The following PLCH2 variants were observed in gnomAD, a reference collection of about 807,000 sequenced individuals.
PLCH2 encodes phospholipase C eta 2.
PLCH2 carries 98 observed loss-of-function variants against 134.7 expected under a neutral mutation model. The ratio of observed to expected loss-of-function variants is 0.73; its 90% CI spans 0.62 to 0.86. The LOEUF is 0.86. Among genes scored for constraint, PLCH2 ranks in the 40% least tolerant of loss-of-function variants. PLCH2 has a pLI of 0.00. For missense variants in PLCH2, 1,994 were observed against 1,986.6 expected (o/e 1.00, Z -0.07); for synonymous variants, 974 against 827.5 (o/e 1.18, Z -3.04).
At chr1:2,426,194 C>T (rs529392682) in intron 1 of PLCH2, among the ~76,000 whole-genome samples, 4 of 152,216 alleles carry the variant, frequency 2.6e-5, no homozygotes, top group Non-Finnish European at 4.4e-5. Flanking sequence ...GTGCAGATGT[C>T]AGCGCGGGGA....
At position 2,448,944 on chromosome 1, in the gene PLCH2, A is replaced by G. The variant is rs1207077439; in HGVS notation, c.115+18315A>G. On this transcript the variant is annotated intron_variant, in intron 2 of 3. Transcript: ENST00000609981. The surrounding 1 kb of genome is among the most constrained non-coding windows in gnomAD (Gnocchi z 4.0). Reference sequence around the variant, plus strand: ...AATGCTCGTTTCGTCAAACTGTTGTACGTGGCTCCTTTGCTGGCGCGGGGA... The same window carrying G: ...AATGCTCGTTTCGTCAAACTGTTGTGCGTGGCTCCTTTGCTGGCGCGGGGA... Among the ~76,000 whole-genome samples, 1 of 152,160 alleles carries G rather than the reference A, an allele frequency of 6.6e-6. No individual in the cohort carries two copies. Among genetic ancestry groups the G allele is most frequent in the African/African-American group, 2.4e-5 (1 of 41,452 alleles).
intron 8 of PLCH2, among the ~76,000 whole-genome samples, chr1:2,488,356 G>A (rs1425505721): frequency 6.6e-6 from 1 of 152,212 alleles, no homozygotes; most frequent in Non-Finnish European, 1.5e-5. Context: ...TGAGCTGGGA[G>A]GAGCCAGGGG....
intron 11 of PLCH2, 113 bp from the exon 12 acceptor site, chr1:2,494,743 G>A (rs1642782637): frequency 2.7e-6 from 2 of 744,314 alleles, no homozygotes; most frequent in Non-Finnish European, 4.7e-6. Flanking sequence ...TCCAGACCTG[G>A]CTCAAGCCCA....
At chr1:2,503,496 G>A (rs1643351570) in intron 21 of PLCH2, 1 of 648,300 alleles carries the variant, frequency 1.5e-6, no homozygotes, top group Non-Finnish European at 2.8e-6. Flanking sequence ...CACCCCACTA[G>A]AAGGGTGTCT....
chr1:2,497,483 C>A lies in PLCH2; in HGVS notation c.2117-19C>A. 1.3e-6 allele frequency: 2 copies of A among 1,532,876 alleles called. No homozygotes were observed. The highest frequency in any genetic ancestry group is 1.2e-5 in the South Asian group (1 of 83,088). The allele number at this position is 1,532,876 out of a possible 1,614,324, so 95.0% of individuals were successfully genotyped here. ...GAAGGTCAGGTGCTGACCAGGGCAG[C>A]CTTGTGTCACCCTCGCAGTTGCCCT... On this transcript the variant is annotated intron_variant, in intron 15 of 21. Transcript: ENST00000378486.
intron 16 of PLCH2, 136 bp downstream of exon 16, chr1:2,497,745 A>T (rs1642976986): frequency 3.0e-3 from 1,213 of 407,856 alleles, no homozygotes; most frequent in Middle Eastern, 8.3e-3. Context: ...CTGGAGGGTC[A>T]GGTTGGGACG....
chr1:2,473,442 C>T (rs1041429463), upstream of PLCH2, among the ~76,000 whole-genome samples: 5 of 152,256 alleles, frequency 3.3e-5, no homozygotes, highest in African/African-American at 1.2e-4. Context: ...GTCTGCCCGT[C>T]TGTCCACCCA....
intron 21 of PLCH2, chr1:2,502,811 G>A (rs1486083205): frequency 1.4e-6 from 1 of 717,154 alleles, no homozygotes; most frequent in Non-Finnish European, 2.6e-6. Context: ...CTGGCCTGAG[G>A]GTGCCTGCAG....
intron 2 of PLCH2, among the ~76,000 whole-genome samples, chr1:2,452,249 G>C (rs372791805): frequency 1.3e-5 from 2 of 152,332 alleles, no homozygotes; most frequent in South Asian, 4.1e-4. Flanking sequence ...GGAGCAATCC[G>C]GAGGTTCTCC....
upstream of PLCH2, among the ~76,000 whole-genome samples, chr1:2,473,306 C>T (rs1167279986): frequency 6.6e-6 from 1 of 152,190 alleles, no homozygotes; most frequent in Non-Finnish European, 1.5e-5. Context: ...GCCAGGCAGT[C>T]AGGGTGGGCC....
chr1:2,492,077 C>T (rs373662292), intron 11 of PLCH2, among the ~76,000 whole-genome samples: 4 of 152,360 alleles, frequency 2.6e-5, no homozygotes, highest in East Asian at 1.9e-4. Context: ...AGAGCCCTAC[C>T]GTGCCCTGTG....
chr1:2,499,041 G>A (rs1019958392), intron 18 of PLCH2, 43 bp from the exon 19 acceptor site: 9 of 1,584,988 alleles, frequency 5.7e-6, no homozygotes, highest in Non-Finnish European at 7.7e-6. Context: ...GTGCTGGGCC[G>A]GGCCCTCCCC....
At position 2,497,560 on chromosome 1, in the gene PLCH2, C is replaced by T. The variant is rs369019288; in HGVS notation, c.2175C>T (p.Ser725=). The change falls in exon 16 of 22, where the codon AGC becomes AGT. Residue 725 remains serine (S), a synonymous_variant. Coordinates refer to ENST00000378486, the MANE Select transcript of PLCH2 (RefSeq NM_014638.4). ...RMLQLNRAKF[S]ANGGCGYVLK... ...TGCAGCTGAACCGAGCCAAGTTCAG[C>T]GCCAACGGTGGCTGCGGCTACGTAC... The T allele has an allele frequency of 2.3e-4, 362 of 1,564,680 alleles. No individual in the cohort carries two copies. The African/African-American group carries it at 4.0e-3, about 17-fold the overall frequency.
rs746515058 is a variant in PLCH2, at chr1:2,476,728, C to G, written c.124+16C>G. 6.3e-7 allele frequency: 1 copy of G among 1,596,452 alleles called. No homozygotes were observed. The highest frequency in any genetic ancestry group is 1.7e-5 in the Admixed American group (1 of 58,266). On this transcript the variant is annotated intron_variant, in intron 1 of 21. Transcript: ENST00000378486. ...GGCCCCCTGGGTAAGAAGGGGCAGG[C>G]GAGTGGCCTGGGCTGAGTGCTGGCC... is the stretch of plus-strand genomic sequence containing the variant.
In PLCH2 at chr1:2,499,699, TGTCA is replaced by T; in HGVS notation, c.2643_2646del (p.Ser882ThrfsTer12). On this transcript the variant is annotated frameshift_variant, in exon 20 of 22. Transcript: ENST00000378486. LOFTEE classifies it high-confidence loss of function. ...AGGCCTCCATCTTCGTGCATGTGGCTGTCAGTGACATCAGCGGTAAGGTGAGTGT... is the reference window on the plus strand; with the variant it reads ...AGGCCTCCATCTTCGTGCATGTGGCTGTGACATCAGCGGTAAGGTGAGTGT... 1 of 1,593,992 alleles carries T rather than the reference TGTCA, an allele frequency of 6.3e-7. No individual in the cohort carries two copies. Among genetic ancestry groups the T allele is most frequent in the South Asian group, 1.1e-5 (1 of 87,244 alleles).
chr1:2,433,514 C>T (rs1365912299), intron 2 of PLCH2, among the ~76,000 whole-genome samples: 1 of 152,122 alleles, frequency 6.6e-6, no homozygotes, highest in Admixed American at 6.5e-5. Context: ...GCTGGAGCGG[C>T]TCAGTCTCGG....
chr1:2,418,106 C>T, the PLCH2 span, among the ~76,000 whole-genome samples: 6 of 152,242 alleles, frequency 3.9e-5, no homozygotes, highest in Non-Finnish European at 7.3e-5. Flanking sequence ...GCAGTGAAGA[C>T]GTGTGACCGG....
chr1:2,476,379 G>A lies in PLCH2; in HGVS notation c.-210G>A. 2.0e-6 allele frequency: 1 copy of A among 499,424 alleles called. No individual in the cohort carries two copies. Among genetic ancestry groups the A allele is most frequent in the East Asian group, 3.3e-5 (1 of 30,314 alleles). The allele number at this position is 499,424 out of a possible 1,614,324, so 30.9% of individuals were successfully genotyped here. On this transcript the variant is annotated 5_prime_UTR_variant, in exon 1 of 22. Transcript: ENST00000378486. The stretch of plus-strand genomic sequence containing the variant: ...GATAGGCTGGCCTGGGGGCCATCAG[G>A]ACAGCAGGTGACGGTCAGGCCAATG...
chr1:2,477,496 G>A (rs1641699088), intron 1 of PLCH2, among the ~76,000 whole-genome samples: 1 of 152,196 alleles, frequency 6.6e-6, no homozygotes, highest in Admixed American at 6.5e-5. Flanking sequence ...CTGGGGTGGG[G>A]ATTAACGTCT....
Sources: gnomAD v4.1 joint callset for allele counts (sites outside exome capture counted in the v4.1 genomes callset) on GRCh38, gnomAD v4.1.1 for gene constraint, Gnocchi (gnomAD v3.1) non-coding constraint, MANE v1.5 for transcripts, NCBI Gene and HGNC (gene_info 2026-07-23, HGNC 2026-07-21) for gene names.